The following ERBB4 variants were observed in gnomAD, a reference collection of about 807,000 sequenced individuals.
The protein encoded by ERBB4 is erb-b2 receptor tyrosine kinase 4.
Under a neutral mutation model 158.0 loss-of-function variants are expected in ERBB4, and 42 were observed. The ratio of observed to expected loss-of-function variants is 0.27; its 90% CI spans 0.21 to 0.34. The LOEUF (loss-of-function observed/expected upper bound fraction) is 0.34, where lower values mean the gene tolerates loss of function less well. Among genes scored for constraint, ERBB4 ranks in the 10% least tolerant of loss-of-function variants. The pLI is 1.00. For synonymous variants in ERBB4, 583 were observed against 558.7 expected, an observed-to-expected ratio of 1.04 and a Z score of -0.61; for missense variants, 1,333 against 1,624.1, an observed-to-expected ratio of 0.82 and a Z score of 3.08.
intron 1 of ERBB4, among the ~76,000 whole-genome samples, chr2:212,463,938 A>G (rs1343397524): frequency 2.6e-5 from 4 of 152,132 alleles, no homozygotes; most frequent in Non-Finnish European, 5.9e-5. Context: ...TCTCTTAGCT[A>G]GAACAATTTC....
intron 3 of ERBB4, among the ~76,000 whole-genome samples, chr2:211,809,094 C>T (rs540388923): frequency 6.6e-6 from 1 of 152,156 alleles, no homozygotes; most frequent in Non-Finnish European, 1.5e-5. Context: ...TTGACTTCCT[C>T]TTTTCCTAAT....
chr2:211,510,944 G>A (rs2065869897), intron 20 of ERBB4, among the ~76,000 whole-genome samples: 1 of 151,694 alleles, frequency 6.6e-6, no homozygotes, highest in Non-Finnish European at 1.5e-5. Flanking sequence ...TAAGATCACA[G>A]TATAAAATAG....
At chr2:211,588,408 G>GAT (rs1450478498) in intron 19 of ERBB4, among the ~76,000 whole-genome samples, 2 of 151,984 alleles carry the variant, frequency 1.3e-5, no homozygotes, top group Non-Finnish European at 2.9e-5. Flanking sequence ...AACAAATGAG[G>GAT]ATACGCTTTC....
At chr2:211,663,184 C>A (rs973136927) in intron 15 of ERBB4, among the ~76,000 whole-genome samples, 1 of 152,168 alleles carries the variant, frequency 6.6e-6, no homozygotes, top group African/African-American at 2.4e-5. Context: ...ATTTAGGAAT[C>A]ACATCCTTCA....
At chr2:211,478,438 G>C (rs891616526) in intron 20 of ERBB4, among the ~76,000 whole-genome samples, 5 of 152,068 alleles carry the variant, frequency 3.3e-5, no homozygotes, top group African/African-American at 1.2e-4. Context: ...TGTTCAAAAG[G>C]AATCACAGAT....
chr2:211,929,514 C>T (rs1225379326), intron 3 of ERBB4, among the ~76,000 whole-genome samples: 4 of 152,110 alleles, frequency 2.6e-5, no homozygotes, highest in South Asian at 4.1e-4. Flanking sequence ...TGTACATACA[C>T]TTCAGCCTGT....
intron 1 of ERBB4, among the ~76,000 whole-genome samples, chr2:212,262,718 G>A (rs978729232): frequency 6.6e-6 from 1 of 152,004 alleles, no homozygotes; most frequent in African/African-American, 2.4e-5. Flanking sequence ...GAAGTGCAAT[G>A]GGTTTGGTGA....
chr2:211,615,401 C>T (rs2069348436), intron 19 of ERBB4, among the ~76,000 whole-genome samples: 2 of 151,910 alleles, frequency 1.3e-5, no homozygotes, highest in African/African-American at 2.4e-5. Context: ...CTGTCTGAAA[C>T]AAGAACTAGG....
chr2:212,461,552 T>C (rs1432485965), intron 1 of ERBB4, among the ~76,000 whole-genome samples: 2 of 152,184 alleles, frequency 1.3e-5, no homozygotes, highest in Non-Finnish European at 2.9e-5. Flanking sequence ...GCTTTTGGTT[T>C]CACATGCTCA....
intron 1 of ERBB4, among the ~76,000 whole-genome samples, chr2:212,435,523 A>G (rs1345862155): frequency 6.6e-6 from 1 of 151,982 alleles, no homozygotes; most frequent in African/African-American, 2.4e-5. Flanking sequence ...CCTGTTTATA[A>G]GAAACTAACA....
At chr2:212,481,023 T>C (rs373387366) in intron 1 of ERBB4, among the ~76,000 whole-genome samples, 1 of 152,278 alleles carries the variant, frequency 6.6e-6, no homozygotes, top group East Asian at 1.9e-4. Flanking sequence ...TAAACATCTA[T>C]TCTAAAACCT....
At chr2:211,759,946 A>T (rs2075369797) in intron 4 of ERBB4, among the ~76,000 whole-genome samples, 1 of 152,078 alleles carries the variant, frequency 6.6e-6, no homozygotes, top group Non-Finnish European at 1.5e-5. Flanking sequence ...ATATAATTTT[A>T]TTTCTTTGGT....
intron 2 of ERBB4, among the ~76,000 whole-genome samples, chr2:212,028,867 T>A (rs2076835359): frequency 6.6e-6 from 1 of 152,034 alleles, no homozygotes; most frequent in South Asian, 2.1e-4. Context: ...AAAAAGTAAG[T>A]GGGCAGGAGA....
chr2:212,124,921 T>A lies in ERBB4; in HGVS notation c.83-18A>T, dbSNP rs767128773. 14 of 1,613,818 alleles carry A rather than the reference T, an allele frequency of 8.7e-6. No homozygotes were observed. The highest frequency in any genetic ancestry group is 6.7e-5 in the Admixed American group (4 of 60,002). On this transcript the variant is annotated intron_variant, in intron 1 of 27. Transcript: ENST00000342788. ...TGCACACACTGCAAAGACAAGAAGA[T>A]ACACGTGAAATTACATAACCTTTAT...
intron 16 of ERBB4, among the ~76,000 whole-genome samples, chr2:211,640,025 GA>G (rs1320245002): frequency 6.6e-6 from 1 of 151,996 alleles, no homozygotes; most frequent in Admixed American, 6.6e-5. Flanking sequence ...GTCTAGCCTT[GA>G]AAACATTTTT....
chr2:211,386,926 G>A lies in ERBB4; in HGVS notation c.3408C>T (p.Ala1136=), dbSNP rs200659841. ...GCTCTCCTCGTGGGCTCCGTTCTGG[G>A]GCAAACACGGTGGGGTCAGCACTGT... ...QRYSADPTVF[A]PERSPRGELD... Residue 1136 remains alanine, a synonymous_variant, in exon 27 of 28, where the codon GCC becomes GCT. Coordinates refer to ENST00000342788, the MANE Select transcript of ERBB4 (RefSeq NM_005235.3). 2 of 1,614,110 alleles carry A rather than the reference G, an allele frequency of 1.2e-6. No homozygotes were observed. Among genetic ancestry groups the A allele is most frequent in the East Asian group, 2.2e-5 (1 of 44,864 alleles).
At chr2:211,462,087 C>T (rs1159639942) in intron 20 of ERBB4, among the ~76,000 whole-genome samples, 1 of 151,650 alleles carries the variant, frequency 6.6e-6, no homozygotes, top group Non-Finnish European at 1.5e-5. Flanking sequence ...TTTGCAGGCT[C>T]TACAGGAAGC....
intron 3 of ERBB4, among the ~76,000 whole-genome samples, chr2:211,816,889 T>C (rs1281352206): frequency 6.6e-6 from 1 of 152,174 alleles, no homozygotes; most frequent in Non-Finnish European, 1.5e-5. Flanking sequence ...AGCACTGTGT[T>C]CCCATAGGTA....
chr2:211,377,275 G>GCTAT lies in ERBB4; in HGVS notation c.*6336_*6339dup, dbSNP rs1462078460. On this transcript the variant is annotated 3_prime_UTR_variant, in exon 28 of 28. Coordinates refer to ENST00000342788, the MANE Select transcript of ERBB4 (RefSeq NM_005235.3). ...GTATGATTTGCTTTCCTTCACAAAGGCTATAGGCCTGGGGGAAATATCTAC... is the reference window on the plus strand; with the variant it reads ...GTATGATTTGCTTTCCTTCACAAAGGCTATCTATAGGCCTGGGGGAAATATCTAC... 1.3e-5 allele frequency: 3 copies of GCTAT among 233,050 alleles called. No individual in the cohort carries two copies. The highest frequency in any genetic ancestry group is 1.1e-4 in the Admixed American group (2 of 17,746). The allele number at this position is 233,050 out of a possible 1,614,324, so 14.4% of individuals were successfully genotyped here.
Sources: allele counts gnomAD v4.1 joint callset (sites outside exome capture counted in the v4.1 genomes callset), GRCh38; gene constraint gnomAD v4.1.1; transcripts MANE v1.5; gene names NCBI Gene and HGNC (gene_info 2026-07-23, HGNC 2026-07-21).